PKD1L1: variants seen among roughly 807,000 people sequenced by gnomAD.
The protein encoded by PKD1L1 is polycystin 1 like 1, transient receptor potential channel interacting.
A neutral mutation model predicts 323.4 loss-of-function variants in PKD1L1; 236 were observed. That is an observed-to-expected ratio of 0.73 (90% CI 0.66 to 0.81). PKD1L1 has a LOEUF of 0.81. Ranked by LOEUF, PKD1L1 falls within the 40% of genes least tolerant of loss-of-function variation. The pLI, the probability that PKD1L1 is intolerant of heterozygous loss-of-function variation, is 0.00. For missense variants in PKD1L1, 3,320 were observed against 3,508.0 expected (o/e 0.95, Z 1.35); for synonymous variants, 1,344 against 1,335.0 (o/e 1.01, Z -0.15).
the PKD1L1 span, among the ~76,000 whole-genome samples, chr7:47,954,977 T>A: frequency 6.6e-6 from 1 of 152,242 alleles, no homozygotes; most frequent in Non-Finnish European, 1.5e-5. Context: ...GGCTACATTT[T>A]CTCGTGCTAC....
chr7:47,860,908 C>T (rs1786008686), intron 26 of PKD1L1, among the ~76,000 whole-genome samples: 1 of 152,140 alleles, frequency 6.6e-6, no homozygotes, highest in Non-Finnish European at 1.5e-5. Context: ...TTTCCCAGGT[C>T]CCTCGAGTCC....
In PKD1L1 at chr7:47,885,751, C is replaced by T; in HGVS notation, c.3140G>A (p.Gly1047Glu). ...LDLEPGPQSK[G>E]SLMTGRSERS... ...CTCAGAGCGGCCAGTCATCAGGGAT[C>T]CCTTGCTCTGTGGCCCTGGCTCTAG... is the stretch of plus-strand genomic sequence containing the variant. Residue 1047 changes from glycine to glutamate, a missense_variant, in exon 18 of 57, where the codon GGA becomes GAA. By Grantham distance (98) the Gly-to-Glu change is moderately conservative. Transcript: ENST00000289672. 1 of 1,614,156 alleles carries T rather than the reference C, an allele frequency of 6.2e-7. No homozygotes were observed. The highest frequency in any genetic ancestry group is 2.2e-5 in the East Asian group (1 of 44,872).
chr7:47,867,176 A>G (rs1273913579), intron 24 of PKD1L1, among the ~76,000 whole-genome samples: 1 of 152,240 alleles, frequency 6.6e-6, no homozygotes, highest in Non-Finnish European at 1.5e-5. Flanking sequence ...ATCTGGACAC[A>G]CCGCAGTGGG....
Position 47,811,998 on chromosome 7 carries a change from C to T in PKD1L1, c.7400G>A (p.Arg2467His), listed in dbSNP as rs376886746. Residue 2467 changes from arginine to histidine, a missense_variant, in exon 50 of 57, where the codon CGC becomes CAC. Transcript: ENST00000289672. ...SRLRASMWID[R>H]STRAVSVHFT... The stretch of plus-strand genomic sequence containing the variant: ...GTGCACAGACACAGCCCTGGTGCTG[C>T]GGTCAATCCACATGCTGGCCCTGAG... 1.4e-5 allele frequency: 22 copies of T among 1,588,584 alleles called. No homozygotes were observed. The highest frequency in any genetic ancestry group is 8.1e-5 in the African/African-American group (6 of 74,348).
intron 26 of PKD1L1, among the ~76,000 whole-genome samples, chr7:47,864,154 C>T (rs978512024): frequency 2.0e-5 from 3 of 152,072 alleles, no homozygotes; most frequent in East Asian, 1.9e-4. Flanking sequence ...GCAGGCTAGG[C>T]GTTGTCCAAC....
Position 47,842,978 on chromosome 7 carries a change from G to A in PKD1L1, c.5429C>T (p.Ala1810Val). 2 of 1,613,422 alleles carry A rather than the reference G, an allele frequency of 1.2e-6. No individual in the cohort carries two copies. The highest frequency in any genetic ancestry group is 1.7e-6 in the Non-Finnish European group (2 of 1,179,770). Residue 1810 changes from alanine (A) to valine (V), a missense_variant, in exon 34 of 57, where the codon GCC becomes GTC. Physicochemically the swap from Ala to Val is moderately conservative, Grantham distance 64. Transcript: ENST00000289672. The stretch of plus-strand genomic sequence containing the variant: ...TCGAGCTACCTTTGAGGTCAACCTG[G>A]CCGGAGCTCGGAAGCCAGTGTCAAT... Reference protein sequence around the residue: ...VVIDTGFRAPARLTSKVYIVL... With the variant: ...VVIDTGFRAPVRLTSKVYIVL...
chr7:47,936,743 T>C (rs963971045), intron 4 of PKD1L1, 103 bp downstream of exon 4: 3 of 886,370 alleles, frequency 3.4e-6, no homozygotes, highest in African/African-American at 1.7e-5. Flanking sequence ...CCTCGGGCCA[T>C]GTAGGAACAA....
Position 47,843,126 on chromosome 7 carries a change from C to T in PKD1L1, c.5281G>A (p.Val1761Met). The change falls in exon 34 of 57, where the codon GTG (valine) becomes ATG (methionine). Residue 1761 changes from valine (V) to methionine (M), a missense_variant. Transcript: ENST00000289672. ...LLPSIFIMGSVILYGFLVAKS... is the reference protein window; with the variant it reads ...LLPSIFIMGSMILYGFLVAKS... ...GCGACCAAAAATCCATAAAGAATCA[C>T]AGAACCCATAATAAAAATACTGGGA... is the stretch of plus-strand genomic sequence containing the variant. The T allele has an allele frequency of 6.2e-7, 1 of 1,613,530 alleles. No homozygotes were observed. The highest frequency in any genetic ancestry group is 8.5e-7 in the Non-Finnish European group (1 of 1,179,832).
intron 17 of PKD1L1, 53 bp from the exon 18 acceptor site, chr7:47,886,107 T>G: frequency 6.5e-7 from 1 of 1,546,946 alleles, no homozygotes; most frequent in Non-Finnish European, 8.7e-7. Flanking sequence ...TATAAAATAT[T>G]TGCTTAAAAA....
Position 47,806,395 on chromosome 7 carries a change from G to A in PKD1L1, c.7827+1852C>T, listed in dbSNP as rs567060496. Among the ~76,000 whole-genome samples the A allele has an allele frequency of 3.9e-5, 6 of 152,340 alleles. No homozygotes were observed. The East Asian group carries it at 1.2e-3, about 29-fold the overall frequency. On this transcript the variant is annotated intron_variant, in intron 52 of 56. Transcript: ENST00000289672. ...AGGGAGTGTCAGGCATGTCGGCATTGTAGCCCACAGGACCATGCAAGACTA... is the reference window on the plus strand; with the variant it reads ...AGGGAGTGTCAGGCATGTCGGCATTATAGCCCACAGGACCATGCAAGACTA...
chr7:47,876,274 T>C (rs1219357264), intron 22 of PKD1L1, 57 bp from the exon 23 acceptor site: 2 of 1,572,770 alleles, frequency 1.3e-6, no homozygotes, highest in Non-Finnish European at 1.7e-6. Context: ...GTGAATGATA[T>C]CACAATACAT....
intron 30 of PKD1L1, among the ~76,000 whole-genome samples, chr7:47,854,321 G>A (rs569925092): frequency 3.3e-5 from 5 of 152,196 alleles, no homozygotes; most frequent in Admixed American, 3.3e-4. Context: ...GAAGGAAGGT[G>A]ATCAAGGCCC....
chr7:47,941,578 C>T (rs1466978615), intron 2 of PKD1L1, among the ~76,000 whole-genome samples: 1 of 152,210 alleles, frequency 6.6e-6, no homozygotes, highest in Admixed American at 6.5e-5. Flanking sequence ...AATCAAAGGC[C>T]GTGTTCCTGG....
chr7:47,931,032 G>C, intron 6 of PKD1L1, 72 bp downstream of exon 6: 1 of 1,421,950 alleles, frequency 7.0e-7, no homozygotes, highest in East Asian at 2.3e-5. Context: ...AATCACTAAC[G>C]GATTGGGCAT....
At chr7:47,832,575 T>C (rs1455902553) in intron 41 of PKD1L1, among the ~76,000 whole-genome samples, 5 of 152,194 alleles carry the variant, frequency 3.3e-5, no homozygotes, top group Non-Finnish European at 7.4e-5. Context: ...CATCTGCTCA[T>C]GTACCATGTG....
At chr7:47,815,854 GA>G (rs57176785) in intron 46 of PKD1L1, among the ~76,000 whole-genome samples, 119,049 of 149,974 alleles carry the variant, frequency 0.79, 47,277 homozygotes, top group East Asian at 0.92. Context: ...TATGAAGGAG[GA>G]AAAAAAAAAA....
At chr7:47,936,077 C>T (rs1296841520) in intron 4 of PKD1L1, among the ~76,000 whole-genome samples, 1 of 152,144 alleles carries the variant, frequency 6.6e-6, no homozygotes, top group East Asian at 1.9e-4. Flanking sequence ...ATTTCAGGTA[C>T]AGGGTGACAT....
intron 7 of PKD1L1, among the ~76,000 whole-genome samples, chr7:47,923,335 T>TAAA (rs371527820): frequency 0.039 from 4,763 of 123,416 alleles, 348 homozygotes; most frequent in African/African-American, 0.14. Context: ...CAATAAATAC[T>TAAA]AAAAAAAAAA....
intron 8 of PKD1L1, among the ~76,000 whole-genome samples, chr7:47,914,963 A>AT (rs1787397637): frequency 6.6e-6 from 1 of 152,246 alleles, no homozygotes; most frequent in African/African-American, 2.4e-5. Context: ...ATTTTAAGCC[A>AT]TAAAGACAAC....
Sources: gnomAD v4.1 joint callset for allele counts (sites outside exome capture counted in the v4.1 genomes callset) on GRCh38, gnomAD v4.1.1 for gene constraint, MANE v1.5 for transcripts, NCBI Gene and HGNC (gene_info 2026-07-23, HGNC 2026-07-21) for gene names.